The following APLNR variants were observed in gnomAD, a reference collection of about 807,000 sequenced individuals.
APLNR encodes apelin receptor.
Under a neutral mutation model 23.4 loss-of-function variants are expected in APLNR, and 13 were observed. The ratio of observed to expected loss-of-function variants is 0.56; its 90% CI spans 0.36 to 0.88. The LOEUF (loss-of-function observed/expected upper bound fraction) is 0.88. Among genes scored for constraint, APLNR ranks in the 40% least tolerant of loss-of-function variants. The pLI is 0.01. For synonymous variants in APLNR, 234 were observed against 211.9 expected (o/e 1.10, Z -0.91); for missense variants, 480 against 517.1 (o/e 0.93, Z 0.70).
chr11:57,235,906 C>G lies in APLNR; in HGVS notation c.1099G>C (p.Glu367Gln). 1 of 1,613,608 alleles carries G rather than the reference C, an allele frequency of 6.2e-7. No individual in the cohort carries two copies. The stretch of plus-strand genomic sequence containing the variant: ...TCCTGGCTGTAGGGGATGGATTTCT[C>G]GTGCATCTGTTCTCCACCCTTGCCC... ...NMGKGGEQMHEKSIPYSQETL... is the reference protein window; with the variant it reads ...NMGKGGEQMHQKSIPYSQETL... The change falls in exon 1 of 1, where the codon GAG (glutamate) becomes CAG (glutamine). Residue 367 changes from glutamate (E) to glutamine (Q), a missense_variant. Glu to Gln is a conservative substitution (Grantham distance 29). Transcript: ENST00000606794.
chr11:57,236,599 C>A lies in APLNR; in HGVS notation c.406G>T (p.Ala136Ser), dbSNP rs1469614549. 6.2e-7 allele frequency: 1 copy of A among 1,611,806 alleles called. No homozygotes were observed. The change falls in exon 1 of 1, where the codon GCC (alanine) becomes TCC (serine). Residue 136 changes from alanine to serine, a missense_variant. Transcript: ENST00000606794. ...ACCCGCAGCCTCAGCCGAGCATTGG[C>A]CACTGGCCTCACGATGGCCAGGTAG... ...DRYLAIVRPVANARLRLRVSG... is the reference protein window; with the variant it reads ...DRYLAIVRPVSNARLRLRVSG...
At position 57,236,548 on chromosome 11, in the gene APLNR, G is replaced by A. The variant is rs747848269; in HGVS notation, c.457C>T (p.Leu153Phe). 1 of 1,613,990 alleles carries A rather than the reference G, an allele frequency of 6.2e-7. No homozygotes were observed. Among genetic ancestry groups the A allele is most frequent in the Non-Finnish European group, 8.5e-7 (1 of 1,179,980 alleles). Reference protein sequence around the residue: ...RVSGAVATAVLWVLAALLAMP... With the variant: ...RVSGAVATAVFWVLAALLAMP... ...GCCAGGAGGGCGGCCAGCACCCAAA[G>A]AACTGCCGTGGCCACGGCCCCGCTG... The change falls in exon 1 of 1, where the codon CTT (leucine) becomes TTT (phenylalanine). Residue 153 changes from leucine (L) to phenylalanine (F), a missense_variant. Transcript: ENST00000606794.
At position 57,236,808 on chromosome 11, in the gene APLNR, A is replaced by AT; in HGVS notation, c.196dup (p.Ile66AsnfsTer5). ...AGCCACCGCCAGGCTAGCAATGAAG[A>AT]TATCAGCTGAGCGCCTCTTCTCCCG... On this transcript the variant is annotated frameshift_variant, in exon 1 of 1. Coordinates refer to ENST00000606794, the MANE Select transcript of APLNR (RefSeq NM_005161.6). LOFTEE classifies it high-confidence loss of function. 6.2e-7 allele frequency: 1 copy of AT among 1,614,208 alleles called. No individual in the cohort carries two copies. Among genetic ancestry groups the AT allele is most frequent in the Non-Finnish European group, 8.5e-7 (1 of 1,180,034 alleles).
In APLNR at chr11:57,236,524, C is replaced by T. The variant is rs746406904; in HGVS notation, c.481G>A (p.Ala161Thr). 1.2e-6 allele frequency: 2 copies of T among 1,614,148 alleles called. No individual in the cohort carries two copies. The highest frequency in any genetic ancestry group is 1.7e-6 in the Non-Finnish European group (2 of 1,180,028). Residue 161 changes from alanine to threonine, a missense_variant, in exon 1 of 1, where the codon GCC (alanine) becomes ACC (threonine). Ala to Thr is a moderately conservative substitution (Grantham distance 58, BLOSUM62 0). Coordinates refer to ENST00000606794, the MANE Select transcript of APLNR (RefSeq NM_005161.6). ...GTGCGTAACACCATGACAGGCATGG[C>T]CAGGAGGGCGGCCAGCACCCAAAGA... ...AVLWVLAALL[A>T]MPVMVLRTTG...
In APLNR at chr11:57,236,275, G is replaced by A. The variant is rs150819843; in HGVS notation, c.730C>T (p.Arg244Cys). The change falls in exon 1 of 1, where the codon CGC becomes TGC. Residue 244 changes from arginine (R) to cysteine (C), a missense_variant. By Grantham distance (180) the Arg-to-Cys change is radical (BLOSUM62 -3). Transcript: ENST00000606794. ...KERIEGLRKR[R>C]RLLSIIVVLV... ...ACCACGATGATGCTGAGCAGCCGGC[G>A]CCGCTTCCGCAGGCCCTCGATGCGT... is the stretch of plus-strand genomic sequence containing the variant. 4.5e-4 allele frequency: 725 copies of A among 1,614,094 alleles called. No homozygotes were observed. The highest frequency in any genetic ancestry group is 5.7e-4 in the Non-Finnish European group (668 of 1,180,002).
rs781577750 is a variant in APLNR at position 57,235,650 on chromosome 11, C to T, written c.*212G>A. On this transcript the variant is annotated 3_prime_UTR_variant, in exon 1 of 1. Transcript: ENST00000606794. The stretch of plus-strand genomic sequence containing the variant: ...GCTGAGTGAGATTAAATGGCTTGTG[C>T]AGGGTCAGGTCTGTAGAGCCCAGTC... 1.7e-5 allele frequency: 9 copies of T among 545,084 alleles called. No homozygotes were observed. The highest frequency in any genetic ancestry group is 2.8e-5 in the Non-Finnish European group (9 of 318,054). The allele number at this position is 545,084 out of a possible 1,614,324, so 33.8% of individuals were successfully genotyped here.
chr11:57,236,175 A>C lies in APLNR; in HGVS notation c.830T>G (p.Leu277Arg). The C allele has an allele frequency of 6.2e-7, 1 of 1,614,174 alleles. No individual in the cohort carries two copies. The highest frequency in any genetic ancestry group is 8.5e-7 in the Non-Finnish European group (1 of 1,180,028). Residue 277 changes from leucine to arginine, a missense_variant, in exon 1 of 1, where the codon CTG becomes CGG. By Grantham distance (102) the Leu-to-Arg change is moderately radical. Coordinates refer to ENST00000606794, the MANE Select transcript of APLNR (RefSeq NM_005161.6). ...GAGGTCAAAGTCACAGGGCCAGTGCAGCAGGCTGCCCAGCATGTACAGCGT... is the reference window on the plus strand; with the variant it reads ...GAGGTCAAAGTCACAGGGCCAGTGCCGCAGGCTGCCCAGCATGTACAGCGT... The part of the protein sequence containing the change: ...VKTLYMLGSL[L>R]HWPCDFDLFL...
In APLNR at chr11:57,236,593, C is replaced by T; in HGVS notation, c.412G>A (p.Ala138Thr). 1 of 1,612,226 alleles carries T rather than the reference C, an allele frequency of 6.2e-7. No homozygotes were observed. The highest frequency in any genetic ancestry group is 8.5e-7 in the Non-Finnish European group (1 of 1,179,560). ...CCGCTGACCCGCAGCCTCAGCCGAGCATTGGCCACTGGCCTCACGATGGCC... is the reference window on the plus strand; with the variant it reads ...CCGCTGACCCGCAGCCTCAGCCGAGTATTGGCCACTGGCCTCACGATGGCC... The part of the protein sequence containing the change: ...YLAIVRPVAN[A>T]RLRLRVSGAV... Residue 138 changes from alanine (A) to threonine (T), a missense_variant, in exon 1 of 1, where the codon GCT becomes ACT. Coordinates refer to ENST00000606794, the MANE Select transcript of APLNR (RefSeq NM_005161.6).
In APLNR at chr11:57,235,764, T is replaced by A; in HGVS notation, c.*98A>T. 3 of 1,342,462 alleles carry A rather than the reference T, an allele frequency of 2.2e-6. 1 individual carries two copies. In the South Asian group the frequency reaches 4.2e-5, roughly 19 times the overall value. The allele number at this position is 1,342,462 out of a possible 1,614,324, so 83.2% of individuals were successfully genotyped here. On this transcript the variant is annotated 3_prime_UTR_variant, in exon 1 of 1. Coordinates refer to ENST00000606794, the MANE Select transcript of APLNR (RefSeq NM_005161.6). ...AGAATCAGGGGACAGTTAAAGGATG[T>A]GCATAGGACAAGGAGTAGCCACACT... is the stretch of plus-strand genomic sequence containing the variant.
chr11:57,237,184 G>T lies in APLNR; in HGVS notation c.-180C>A. On this transcript the variant is annotated 5_prime_UTR_variant, in exon 1 of 1. Coordinates refer to ENST00000606794, the MANE Select transcript of APLNR (RefSeq NM_005161.6). ...GCTGCCTCTGGGTTCTCCAGACCCTGGAGGAAGCCTGTCTCCTGCAGAATT... is the reference window on the plus strand; with the variant it reads ...GCTGCCTCTGGGTTCTCCAGACCCTTGAGGAAGCCTGTCTCCTGCAGAATT... The T allele has an allele frequency of 1.6e-6, 1 of 624,552 alleles. No homozygotes were observed. 38.7% of individuals were successfully genotyped at this position (624,552 alleles called of 1,614,324 possible). A position where few individuals can be genotyped will look rare whatever the true frequency, so the allele number is the denominator to read the frequency against.
chr11:57,235,979 C>G lies in APLNR; in HGVS notation c.1026G>C (p.Lys342Asn). 6.2e-7 allele frequency: 1 copy of G among 1,614,282 alleles called. No homozygotes were observed. The highest frequency in any genetic ancestry group is 8.5e-7 in the Non-Finnish European group (1 of 1,180,048). The change falls in exon 1 of 1, where the codon AAG becomes AAC. Residue 342 changes from lysine (K) to asparagine (N), a missense_variant. Transcript: ENST00000606794. ...AGTSHSSSGE[K>N]SASYSSGHSQ... Reference sequence around the variant, plus strand: ...TGTGCCCCGAAGAGTAGCTGGCTGACTTCTCCCCACTGCTGCTGTGGGAGG... The same window carrying G: ...TGTGCCCCGAAGAGTAGCTGGCTGAGTTCTCCCCACTGCTGCTGTGGGAGG...
At position 57,236,255 on chromosome 11, in the gene APLNR, G is replaced by T; in HGVS notation, c.750C>A (p.Ile250=). The T allele has an allele frequency of 6.2e-7, 1 of 1,614,076 alleles. No individual in the cohort carries two copies. The highest frequency in any genetic ancestry group is 8.5e-7 in the Non-Finnish European group (1 of 1,179,992). ...LRKRRRLLSI[I]VVLVVTFALC... ...GGGCAAAGGTCACCACCAGCACCAC[G>T]ATGATGCTGAGCAGCCGGCGCCGCT... The change falls in exon 1 of 1, where the codon ATC becomes ATA. Residue 250 remains isoleucine, a synonymous_variant. Coordinates refer to ENST00000606794, the MANE Select transcript of APLNR (RefSeq NM_005161.6).
In APLNR at chr11:57,236,418, G is replaced by A. The variant is rs757807794; in HGVS notation, c.587C>T (p.Ala196Val). 6.2e-7 allele frequency: 1 copy of A among 1,614,172 alleles called. No individual in the cohort carries two copies. The highest frequency in any genetic ancestry group is 8.5e-7 in the Non-Finnish European group (1 of 1,180,002). The change falls in exon 1 of 1, where the codon GCC (alanine) becomes GTC (valine). Residue 196 changes from alanine to valine, a missense_variant. Transcript: ENST00000606794. ...SMVATVSSEWAWEVGLGVSST... is the reference protein window; with the variant it reads ...SMVATVSSEWVWEVGLGVSST... ...CGAGACCCCAAGGCCCACCTCCCAGGCCCACTCTGAGCTCACAGTGGCCAC... is the reference window on the plus strand; with the variant it reads ...CGAGACCCCAAGGCCCACCTCCCAGACCCACTCTGAGCTCACAGTGGCCAC...
At position 57,236,046 on chromosome 11, in the gene APLNR, C is replaced by G. The variant is rs1324943024; in HGVS notation, c.959G>C (p.Cys320Ser). Residue 320 changes from cysteine (C) to serine (S), a missense_variant, in exon 1 of 1, where the codon TGC becomes TCC. Cys to Ser is a moderately radical substitution (Grantham distance 112). Coordinates refer to ENST00000606794, the MANE Select transcript of APLNR (RefSeq NM_005161.6). ...AFFDPRFRQA[C>S]TSMLCCGQSR... ...CTGGCCACAGCAGAGCATGGAGGTGCAGGCCTGGCGGAAGCGGGGGTCGAA... is the reference window on the plus strand; with the variant it reads ...CTGGCCACAGCAGAGCATGGAGGTGGAGGCCTGGCGGAAGCGGGGGTCGAA... 6.2e-7 allele frequency: 1 copy of G among 1,614,260 alleles called. No homozygotes were observed. Among genetic ancestry groups the G allele is most frequent in the African/African-American group, 1.3e-5 (1 of 75,078 alleles).
chr11:57,237,039 C>G lies in APLNR; in HGVS notation c.-35G>C. On this transcript the variant is annotated 5_prime_UTR_variant, in exon 1 of 1. Transcript: ENST00000606794. ...TGGAGAGAAGACGGGCAGAGGGTCC[C>G]AGGGACACCAGCTCCGTGGCTCTGT... 3 of 1,532,896 alleles carry G rather than the reference C, an allele frequency of 2.0e-6. No homozygotes were observed. Among genetic ancestry groups the G allele is most frequent in the Non-Finnish European group, 1.8e-6 (2 of 1,141,448 alleles). The allele number at this position is 1,532,896 out of a possible 1,614,324, so 95.0% of individuals were successfully genotyped here. A position where few individuals can be genotyped will look rare whatever the true frequency, so the allele number is the denominator to read the frequency against.
In APLNR at chr11:57,235,588, T is replaced by C. The variant is rs1172912155; in HGVS notation, c.*274A>G. 2 of 376,652 alleles carry C rather than the reference T, an allele frequency of 5.3e-6. No individual in the cohort carries two copies. Among genetic ancestry groups the C allele is most frequent in the East Asian group, 8.7e-5 (2 of 22,980 alleles). 23.3% of individuals were successfully genotyped at this position (376,652 alleles called of 1,614,324 possible). A position where few individuals can be genotyped will look rare whatever the true frequency, so the allele number is the denominator to read the frequency against. ...AGGCTTCAACATTTTAGGATCAATA[T>C]GACTTTCCCCCATTTCATACCAATG... On this transcript the variant is annotated 3_prime_UTR_variant, in exon 1 of 1. Coordinates refer to ENST00000606794, the MANE Select transcript of APLNR (RefSeq NM_005161.6).
chr11:57,235,872 A>G lies in APLNR; in HGVS notation c.1133T>C (p.Val378Ala). Reference sequence around the variant, plus strand: ...TCTCTGCTCCCAGCCCTAGTCAACCACAAGGGTCTCCTGGCTGTAGGGGAT... The same window carrying G: ...TCTCTGCTCCCAGCCCTAGTCAACCGCAAGGGTCTCCTGGCTGTAGGGGAT... ...KSIPYSQETL[V>A]VD The change falls in exon 1 of 1, where the codon GTG becomes GCG. Residue 378 changes from valine to alanine, a missense_variant. Coordinates refer to ENST00000606794, the MANE Select transcript of APLNR (RefSeq NM_005161.6). The G allele has an allele frequency of 6.2e-7, 1 of 1,606,852 alleles. No homozygotes were observed. The highest frequency in any genetic ancestry group is 1.1e-5 in the South Asian group (1 of 89,558).
At position 57,237,139 on chromosome 11, in the gene APLNR, C is replaced by T; in HGVS notation, c.-135G>A. On this transcript the variant is annotated 5_prime_UTR_variant, in exon 1 of 1. Coordinates refer to ENST00000606794, the MANE Select transcript of APLNR (RefSeq NM_005161.6). ...AGAAGGGCTGAAGATGCCCAGAGTC[C>T]TTCCCAGCACTCAGGAGGAGCTGCC... The T allele has an allele frequency of 1.1e-6, 1 of 900,256 alleles. No individual in the cohort carries two copies. Among genetic ancestry groups the T allele is most frequent in the South Asian group, 1.8e-5 (1 of 54,304 alleles). 55.8% of individuals were successfully genotyped at this position (900,256 alleles called of 1,614,324 possible).
chr11:57,237,009 G>A lies in APLNR; in HGVS notation c.-5C>T. ...AAAATCACCACCTTCCTCCATGCTG[G>A]GGAGTGGAGAGAAGACGGGCAGAGG... On this transcript the variant is annotated 5_prime_UTR_variant, in exon 1 of 1. Transcript: ENST00000606794. The A allele has an allele frequency of 6.4e-7, 1 of 1,569,430 alleles. No individual in the cohort carries two copies. The highest frequency in any genetic ancestry group is 1.2e-5 in the South Asian group (1 of 82,898).
Sources: allele counts gnomAD v4.1 joint callset, GRCh38; gene constraint gnomAD v4.1.1; transcripts MANE v1.5; gene names NCBI Gene and HGNC (gene_info 2026-07-23, HGNC 2026-07-21).